ERC2: variants seen among roughly 807,000 people sequenced by gnomAD.
ERC2 encodes ELKS/RAB6-interacting/CAST family member 2, also known as ERC protein 2.
Under a neutral mutation model 114.8 loss-of-function variants are expected in ERC2, and 42 were observed. The observed-to-expected ratio is 0.37, with a 90% CI of 0.29 to 0.47. The LOEUF (loss-of-function observed/expected upper bound fraction) is 0.47, where lower values mean the gene tolerates loss of function less well. ERC2 is among the 20% of genes least tolerant of loss of function. ERC2 has a pLI of 0.99. For missense variants in ERC2, 939 were observed against 1,150.7 expected (o/e 0.82, Z 2.66); for synonymous variants, 454 against 425.5 (o/e 1.07, Z -0.82).
At chr3:55,732,729 C>G (rs574034625) in intron 15 of ERC2, among the ~76,000 whole-genome samples, 1 of 152,312 alleles carries the variant, frequency 6.6e-6, no homozygotes, top group East Asian at 1.9e-4. Flanking sequence ...CTTCTGGCAG[C>G]CTTTGCTCTG....
chr3:55,583,657 T>C (rs2057436818), intron 17 of ERC2, among the ~76,000 whole-genome samples: 1 of 150,538 alleles, frequency 6.6e-6, no homozygotes, highest in African/African-American at 2.5e-5. Context: ...TACAAGTCTA[T>C]GCTAGCAACT....
intron 14 of ERC2, among the ~76,000 whole-genome samples, chr3:55,815,037 T>A (rs1470594349): frequency 6.6e-6 from 1 of 152,176 alleles, no homozygotes; most frequent in Non-Finnish European, 1.5e-5. Flanking sequence ...CTTGTTGTAA[T>A]CCCCTGTTTA....
At chr3:55,570,269 A>T (rs2107520369) in intron 17 of ERC2, among the ~76,000 whole-genome samples, 1 of 152,040 alleles carries the variant, frequency 6.6e-6, no homozygotes, top group African/African-American at 2.4e-5. Context: ...TTGTCCTGGT[A>T]CTTCTGGTCC....
At chr3:55,518,549 GT>G (rs1347062763) in intron 17 of ERC2, among the ~76,000 whole-genome samples, 1 of 152,190 alleles carries the variant, frequency 6.6e-6, no homozygotes, top group Non-Finnish European at 1.5e-5. Context: ...TTCCTTCAGT[GT>G]CCCTCTAGGA....
chr3:56,435,183 T>G (rs2061961897), intron 1 of ERC2, 36 bp from the exon 2 acceptor site: 1 of 589,324 alleles, frequency 1.7e-6, no homozygotes, highest in Admixed American at 3.1e-5. Flanking sequence ...AAAAACAAAT[T>G]TCTTTAGAAC....
intron 17 of ERC2, among the ~76,000 whole-genome samples, chr3:55,659,557 A>G (rs1034914842): frequency 2.6e-5 from 4 of 151,644 alleles, no homozygotes; most frequent in African/African-American, 9.7e-5. Flanking sequence ...CCCTCCATCA[A>G]TTCTTGGCTC....
At chr3:56,378,455 A>T (rs1479793131) in intron 2 of ERC2, among the ~76,000 whole-genome samples, 1 of 131,818 alleles carries the variant, frequency 7.6e-6, no homozygotes, top group African/African-American at 2.9e-5. Context: ...TATCATCGGG[A>T]GATATACCTA....
chr3:56,366,416 A>C lies in ERC2; in HGVS notation c.657+67935T>G, dbSNP rs190193307. On this transcript the variant is annotated intron_variant, in intron 2 of 17. Transcript: ENST00000288221. The stretch of plus-strand genomic sequence containing the variant: ...GACACCCCCCAAAGATACAATCTAC[A>C]CTGCCTATCACCATGGACTCTAGTC... 4.0e-3 allele frequency among the ~76,000 whole-genome samples: 603 copies of C among 152,256 alleles called. 4 individuals are homozygous for C. The highest frequency in any genetic ancestry group is 0.013 in the African/African-American group (543 of 41,530).
chr3:56,195,223 T>G (rs941578284), intron 3 of ERC2, among the ~76,000 whole-genome samples: 2 of 152,090 alleles, frequency 1.3e-5, no homozygotes, highest in Admixed American at 6.6e-5. Context: ...TACAAGTGAC[T>G]AATAGGAAGG....
chr3:55,673,885 G>A (rs1374971562), intron 17 of ERC2, among the ~76,000 whole-genome samples: 1 of 150,418 alleles, frequency 6.6e-6, no homozygotes, highest in Non-Finnish European at 1.5e-5. Context: ...CAGGGATCAA[G>A]GTGCACAGAA....
chr3:55,845,417 T>A (rs1042655619), intron 14 of ERC2, among the ~76,000 whole-genome samples: 3 of 141,538 alleles, frequency 2.1e-5, no homozygotes, highest in Non-Finnish European at 4.5e-5. Flanking sequence ...GGCAGGAGAA[T>A]GCCGTGAACC....
intron 2 of ERC2, among the ~76,000 whole-genome samples, chr3:56,299,683 G>C (rs1435575423): frequency 6.6e-6 from 1 of 152,134 alleles, no homozygotes; most frequent in Non-Finnish European, 1.5e-5. Context: ...ACCTGCCTCA[G>C]CCTCCCAAAG....
intron 3 of ERC2, among the ~76,000 whole-genome samples, chr3:56,213,275 G>C (rs184657010): frequency 6.6e-6 from 1 of 152,200 alleles, no homozygotes; most frequent in Admixed American, 6.5e-5. Context: ...GCCAAGGAAA[G>C]GGGTGACAGA....
At chr3:55,650,814 G>A (rs1008808962) in intron 17 of ERC2, among the ~76,000 whole-genome samples, 1 of 150,322 alleles carries the variant, frequency 6.7e-6, no homozygotes, top group Non-Finnish European at 1.5e-5. Flanking sequence ...GTATTCCTAC[G>A]GCCTTTGTGT....
intron 17 of ERC2, among the ~76,000 whole-genome samples, chr3:55,565,492 G>A (rs1036185730): frequency 6.6e-6 from 1 of 152,024 alleles, no homozygotes; most frequent in Non-Finnish European, 1.5e-5. Flanking sequence ...AGAGGGGTCA[G>A]TGAATCCACG....
rs571466343 is a variant in ERC2, at chr3:55,801,996, C to T, written c.2565-67078G>A. Among the ~76,000 whole-genome samples, 37 of 152,334 alleles carry T rather than the reference C, an allele frequency of 2.4e-4. 1 individual carries two copies. The South Asian group carries it at 7.5e-3, about 31-fold the overall frequency. ...CTGGGTGCTACTGATGCTGCTGTTTCAGGGACCACACTCTGAGAACTACCA... is the reference window on the plus strand; with the variant it reads ...CTGGGTGCTACTGATGCTGCTGTTTTAGGGACCACACTCTGAGAACTACCA... On this transcript the variant is annotated intron_variant, in intron 14 of 17. Coordinates refer to ENST00000288221, the MANE Select transcript of ERC2 (RefSeq NM_015576.3).
chr3:56,232,075 A>T (rs542505231), intron 3 of ERC2, among the ~76,000 whole-genome samples: 2 of 150,706 alleles, frequency 1.3e-5, no homozygotes, highest in African/African-American at 4.9e-5. Context: ...TGTATAATTG[A>T]TCCTCCTGCC....
chr3:55,952,136 AACACACACACACAC>A (rs778299355), intron 12 of ERC2, among the ~76,000 whole-genome samples: 20 of 75,462 alleles, frequency 2.7e-4, no homozygotes, highest in East Asian at 9.4e-4. Context: ...CCATCTCTAA[AACACACACACACAC>A]ACACACACAC....
intron 2 of ERC2, among the ~76,000 whole-genome samples, chr3:56,432,518 C>T (rs1229338567): frequency 1.3e-5 from 2 of 152,186 alleles, no homozygotes; most frequent in East Asian, 3.8e-4. Context: ...ACAAACCTTT[C>T]GGTTCCAACT....
Sources: allele counts gnomAD v4.1 joint callset (sites outside exome capture counted in the v4.1 genomes callset), GRCh38; gene constraint gnomAD v4.1.1; transcripts MANE v1.5; gene names NCBI Gene and HGNC (gene_info 2026-07-23, HGNC 2026-07-21).